ATG7: variants seen among roughly 807,000 people sequenced by gnomAD.
The protein encoded by ATG7 is ubiquitin-like modifier-activating enzyme ATG7.
In ATG7, 70 loss-of-function variants were observed where a neutral mutation model predicts 82.4. The observed-to-expected ratio is 0.85, with a 90% CI of 0.70 to 1.04. ATG7 has a LOEUF of 1.04. Ranked by LOEUF, ATG7 falls within the 50% of genes least tolerant of loss-of-function variation. The pLI is 0.00. For synonymous variants in ATG7, 287 were observed against 313.0 expected (o/e 0.92, Z 0.88); for missense variants, 792 against 864.3 (o/e 0.92, Z 1.05).
intron 11 of ATG7, among the ~76,000 whole-genome samples, chr3:11,338,607 G>T (rs1329155659): frequency 6.6e-6 from 1 of 152,124 alleles, no homozygotes; most frequent in Non-Finnish European, 1.5e-5. Flanking sequence ...TTGAGCCCAG[G>T]AGTTCAAGAC....
intron 5 of ATG7, among the ~76,000 whole-genome samples, chr3:11,300,367 C>T (rs1047286801): frequency 3.9e-5 from 6 of 152,094 alleles, no homozygotes; most frequent in Non-Finnish European, 8.8e-5. Context: ...TGCCCAGGGT[C>T]ACACCTGGCC....
intron 19 of ATG7, among the ~76,000 whole-genome samples, chr3:11,410,383 T>C (rs559040655): frequency 7.1e-6 from 1 of 140,852 alleles, no homozygotes; most frequent in South Asian, 2.1e-4. Context: ...CAGAAATTTG[T>C]CTTGTTGACA....
At chr3:11,309,755 A>G (rs778703074) in intron 7 of ATG7, among the ~76,000 whole-genome samples, 1 of 152,206 alleles carries the variant, frequency 6.6e-6, no homozygotes, top group Non-Finnish European at 1.5e-5. Context: ...ATGTGTGTAT[A>G]TATATCTGTG....
At chr3:11,514,604 G>A (rs2092205852) in intron 20 of ATG7, among the ~76,000 whole-genome samples, 1 of 152,246 alleles carries the variant, frequency 6.6e-6, no homozygotes, top group Non-Finnish European at 1.5e-5. Context: ...TGCCGGGTAA[G>A]CCACTAGCTG....
chr3:11,408,730 T>G (rs1037622117), intron 19 of ATG7, among the ~76,000 whole-genome samples: 10 of 152,118 alleles, frequency 6.6e-5, no homozygotes, highest in African/African-American at 2.4e-4. Context: ...TGTGACCCAT[T>G]AACTATCATG....
At chr3:11,510,607 A>G (rs916264694) in intron 20 of ATG7, among the ~76,000 whole-genome samples, 31 of 152,292 alleles carry the variant, frequency 2.0e-4, no homozygotes, top group African/African-American at 7.2e-4. Flanking sequence ...GCAGGCTGTC[A>G]GCTGGGAGAG....
intron 19 of ATG7, among the ~76,000 whole-genome samples, chr3:11,387,279 C>T (rs1469795613): frequency 6.6e-6 from 1 of 152,240 alleles, no homozygotes; most frequent in Non-Finnish European, 1.5e-5. Flanking sequence ...TTGACAATGA[C>T]AGCCAAAACC....
chr3:11,301,452 T>C (rs1158454540), intron 5 of ATG7, among the ~76,000 whole-genome samples: 2 of 152,342 alleles, frequency 1.3e-5, no homozygotes, highest in Non-Finnish European at 2.9e-5. Context: ...CCTAGAATTT[T>C]TTTTAATCTC....
At chr3:11,446,906 G>A (rs954172750) in intron 20 of ATG7, 1 of 152,942 alleles carries the variant, frequency 6.5e-6, no homozygotes, top group Non-Finnish European at 1.5e-5. Flanking sequence ...ATCTTCAAAG[G>A]TCTCTGTAAT....
intron 20 of ATG7, among the ~76,000 whole-genome samples, chr3:11,512,123 G>A (rs930480719): frequency 3.3e-5 from 5 of 152,188 alleles, no homozygotes; most frequent in South Asian, 2.1e-4. Context: ...AAGAGCAAGC[G>A]AGGGCTCTGA....
At chr3:11,440,875 G>C (rs971798509) in intron 20 of ATG7, among the ~76,000 whole-genome samples, 1 of 150,910 alleles carries the variant, frequency 6.6e-6, no homozygotes, top group East Asian at 2.0e-4. Context: ...GTAGAGATGG[G>C]GTTTTGCCAT....
chr3:11,475,075 G>A (rs966889490), intron 20 of ATG7, among the ~76,000 whole-genome samples: 1 of 151,854 alleles, frequency 6.6e-6, no homozygotes, highest in African/African-American at 2.4e-5. Flanking sequence ...GGAATGGATT[G>A]GGTTATAGAG....
chr3:11,541,136 G>A (rs1412805852), intron 20 of ATG7, among the ~76,000 whole-genome samples: 5 of 152,238 alleles, frequency 3.3e-5, no homozygotes, highest in South Asian at 2.1e-4. Context: ...TCCTGACTTC[G>A]TGATCCGCCC....
chr3:11,402,847 C>T lies in ATG7; in HGVS notation c.1956+22795C>T, dbSNP rs1475701334. 4.6e-5 allele frequency among the ~76,000 whole-genome samples: 7 copies of T among 152,090 alleles called. No homozygotes were observed. In the East Asian group the frequency reaches 5.8e-4, roughly 13 times the overall value. ...CACACCCAGTTTATTTAACAATCGA[C>T]GTCAACAATTACCTGGTTACATAGA... is the stretch of plus-strand genomic sequence containing the variant. On this transcript the variant is annotated intron_variant, in intron 19 of 20. Transcript: ENST00000693202.
At chr3:11,546,270 C>G (rs2071285742) in intron 20 of ATG7, among the ~76,000 whole-genome samples, 2 of 136,746 alleles carry the variant, frequency 1.5e-5, no homozygotes, top group African/African-American at 5.4e-5. Flanking sequence ...CTTCCGGGTT[C>G]AAGCAATTTT....
chr3:11,458,285 A>G (rs576146438), intron 20 of ATG7, among the ~76,000 whole-genome samples: 1 of 151,952 alleles, frequency 6.6e-6, no homozygotes, highest in African/African-American at 2.4e-5. Context: ...TTTTGTTTTG[A>G]TGGGGTCTTG....
chr3:11,564,980 C>T, the ATG7 span: 2 of 1,530,158 alleles, frequency 1.3e-6, no homozygotes, highest in Non-Finnish European at 1.8e-6. Context: ...GGCTCCGCTC[C>T]CGGGGGTCTC....
intron 20 of ATG7, among the ~76,000 whole-genome samples, chr3:11,484,506 A>C (rs2089393425): frequency 6.6e-6 from 1 of 152,238 alleles, no homozygotes; most frequent in African/African-American, 2.4e-5. Flanking sequence ...CAAAATTGGC[A>C]CATCTAGCAG....
Position 11,425,874 on chromosome 3 carries a change from AT to A in ATG7, c.1957-926del, listed in dbSNP as rs1266171806. Among the ~76,000 whole-genome samples, 7 of 152,242 alleles carry A rather than the reference AT, an allele frequency of 4.6e-5. No homozygotes were observed. The East Asian group carries it at 1.3e-3, about 29-fold the overall frequency. On this transcript the variant is annotated intron_variant, in intron 19 of 20. Coordinates refer to ENST00000693202, the MANE Select transcript of ATG7 (RefSeq NM_001349232.2). ...ACCACAGATTCATGTTGCCTATTTC[AT>A]TTTAATTTTATATAAATGTAATTGT...
Sources: gnomAD v4.1 joint callset for allele counts (sites outside exome capture counted in the v4.1 genomes callset) on GRCh38, gnomAD v4.1.1 for gene constraint, MANE v1.5 for transcripts, NCBI Gene and HGNC (gene_info 2026-07-23, HGNC 2026-07-21) for gene names.